PCDHGB1: variants seen among roughly 807,000 people sequenced by gnomAD.
The protein encoded by PCDHGB1 is protocadherin gamma subfamily B, 1, also known as protocadherin gamma-B1.
PCDHGB1 carries 34 observed loss-of-function variants against 56.6 expected under a neutral mutation model. The observed-to-expected ratio is 0.60, with a 90% CI of 0.46 to 0.80. PCDHGB1 has a LOEUF of 0.80. PCDHGB1 is among the 30% of genes least tolerant of loss of function. PCDHGB1 has a pLI of 0.00. For missense variants in PCDHGB1, 1,278 were observed against 1,204.6 expected (o/e 1.06, Z -0.90); for synonymous variants, 561 against 505.9 (o/e 1.11, Z -1.46).
chr5:141,420,933 T>C (rs1227912236), intron 1 of PCDHGB1: 1 of 375,320 alleles, frequency 2.7e-6, no homozygotes, highest in African/African-American at 2.1e-5. Context: ...GTGAGCGTAA[T>C]CATTTCTTCT....
At position 141,511,241 on chromosome 5, in the gene PCDHGB1, C is replaced by G; in HGVS notation, c.*68C>G. ...CCAGCCCAGCTTCTCCTTACCTGCA[C>G]CCAGGCCTCAGAGTTTCAGGGCTAA... On this transcript the variant is annotated 3_prime_UTR_variant, in exon 4 of 4. Transcript: ENST00000523390. 1 of 1,585,214 alleles carries G rather than the reference C, an allele frequency of 6.3e-7. No individual in the cohort carries two copies. The highest frequency in any genetic ancestry group is 1.1e-5 in the South Asian group (1 of 87,760).
intron 1 of PCDHGB1, chr5:141,424,504 GT>G (rs892941709): frequency 6.6e-6 from 1 of 152,016 alleles, no homozygotes; most frequent in Non-Finnish European, 1.5e-5. Context: ...TGTATGGAAG[GT>G]TTTTTAATGT....
chr5:141,425,426 A>T (rs1227154364), intron 1 of PCDHGB1, among the ~76,000 whole-genome samples: 1 of 152,236 alleles, frequency 6.6e-6, no homozygotes, highest in African/African-American at 2.4e-5. Flanking sequence ...AGTCCCATTA[A>T]ATAGAGGATA....
intron 1 of PCDHGB1, among the ~76,000 whole-genome samples, chr5:141,438,637 C>G (rs11958903): frequency 3.2e-5 from 1 of 30,940 alleles, no homozygotes. Context: ...TATATATATA[C>G]ACACACACAC....
At chr5:141,481,813 G>C (rs185558948) in intron 1 of PCDHGB1, among the ~76,000 whole-genome samples, 1 of 151,824 alleles carries the variant, frequency 6.6e-6, no homozygotes, top group African/African-American at 2.4e-5. Flanking sequence ...TTCACCAGGC[G>C]TGGTGGCTGA....
rs2097422953 is a variant in PCDHGB1 at position 141,431,840 on chromosome 5, C to A, written c.2410-62967C>A. The A allele has an allele frequency of 1.9e-6, 3 of 1,614,248 alleles. No homozygotes were observed. The highest frequency in any genetic ancestry group is 1.6e-4 in the Middle Eastern group (1 of 6,062). ...CGCCAGCTCGGTTCCCGAAAACTCT[C>A]CCAGAGGGACATTAATTGCCCTTTT... On this transcript the variant is annotated intron_variant, in intron 1 of 3. Transcript: ENST00000523390. The surrounding 1 kb of genome is among the most constrained non-coding windows in gnomAD (Gnocchi z 4.8).
chr5:141,477,536 G>T lies in PCDHGB1; in HGVS notation c.2410-17271G>T. 1.2e-6 allele frequency: 2 copies of T among 1,614,076 alleles called. No homozygotes were observed. Among genetic ancestry groups the T allele is most frequent in the Non-Finnish European group, 1.7e-6 (2 of 1,180,018 alleles). ...CATTGAAGAAAACAACCTCCCCGGG[G>T]CTCCAATACTAAACCTAAGTGTCTG... On this transcript the variant is annotated intron_variant, in intron 1 of 3. Coordinates refer to ENST00000523390, the MANE Select transcript of PCDHGB1 (RefSeq NM_018922.3). The surrounding 1 kb of genome is among the most constrained non-coding windows in gnomAD (Gnocchi z 4.9).
At chr5:141,434,875 A>G (rs2097725018) in intron 1 of PCDHGB1, among the ~76,000 whole-genome samples, 1 of 151,990 alleles carries the variant, frequency 6.6e-6, no homozygotes, top group African/African-American at 2.4e-5. Flanking sequence ...TGTGACAGAT[A>G]CCAACAACAA....
intron 1 of PCDHGB1, chr5:141,426,336 C>T (rs779025306): frequency 1.7e-4 from 31 of 187,682 alleles, no homozygotes; most frequent in Non-Finnish European, 2.8e-4. Context: ...GGCAAGCACT[C>T]TTCCCTTTCC....
At chr5:141,357,102 C>G (rs550336095) in intron 1 of PCDHGB1, 1 of 1,613,864 alleles carries the variant, frequency 6.2e-7, no homozygotes, top group Non-Finnish European at 8.5e-7. Context: ...CCCTGCTGGA[C>G]AGAGACGCGC....
chr5:141,472,980 CAA>C (rs60579131), intron 1 of PCDHGB1, among the ~76,000 whole-genome samples: 879 of 86,072 alleles, frequency 0.01, 5 homozygotes, highest in African/African-American at 0.015. Context: ...GAGTGAAACT[CAA>C]AAAAAAAAAA....
At chr5:141,423,711 T>C (rs1479409204) in intron 1 of PCDHGB1, 1 of 1,330,004 alleles carries the variant, frequency 7.5e-7, no homozygotes, top group Non-Finnish European at 9.6e-7. Flanking sequence ...GCACAAGTCT[T>C]TTAAGGAGAT....
chr5:141,410,251 C>T, intron 1 of PCDHGB1: 1 of 1,614,016 alleles, frequency 6.2e-7, no homozygotes, highest in Non-Finnish European at 8.5e-7. Flanking sequence ...TACTCTCTGA[C>T]CCCCAGGCTG....
rs1260157676 is a variant in PCDHGB1, at chr5:141,373,137, T to G, written c.2409+20468T>G. On this transcript the variant is annotated intron_variant, in intron 1 of 3. Transcript: ENST00000523390. ...CAGAATTAGACCCAAATCCTCACAA[T>G]TAAGTGGTTTACTTAGTTTTAATGC... Among the ~76,000 whole-genome samples, 5 of 152,372 alleles carry G rather than the reference T, an allele frequency of 3.3e-5. No individual in the cohort carries two copies. The East Asian group carries it at 7.7e-4, about 23-fold the overall frequency.
In PCDHGB1 at chr5:141,360,170, G is replaced by A; in HGVS notation, c.2409+7501G>A. ...AGCTCAGGGAGGTGCGGGCTGGTGCGGTGGCTGCAGGTACTGTTGCCCTTC... is the reference window on the plus strand; with the variant it reads ...AGCTCAGGGAGGTGCGGGCTGGTGCAGTGGCTGCAGGTACTGTTGCCCTTC... On this transcript the variant is annotated intron_variant, in intron 1 of 3. Transcript: ENST00000523390. 3.1e-6 allele frequency: 5 copies of A among 1,607,748 alleles called. No individual in the cohort carries two copies. Among genetic ancestry groups the A allele is most frequent in the South Asian group, 1.1e-5 (1 of 90,112 alleles).
chr5:141,366,216 C>T, intron 1 of PCDHGB1: 1 of 1,613,804 alleles, frequency 6.2e-7, no homozygotes, highest in Non-Finnish European at 8.5e-7. Context: ...GTGCGCACAG[C>T]GCGAGCCCTG....
At chr5:141,406,702 A>G (rs1430662433) in intron 1 of PCDHGB1, among the ~76,000 whole-genome samples, 1 of 152,242 alleles carries the variant, frequency 6.6e-6, no homozygotes. Context: ...TCTATAGTAT[A>G]TGCTTGCTCA....
At chr5:141,404,403 A>G (rs767148207) in intron 1 of PCDHGB1, 2 of 1,613,896 alleles carry the variant, frequency 1.2e-6, no homozygotes, top group East Asian at 4.5e-5. Flanking sequence ...AGCAATGAGA[A>G]TTCTAGAGTT....
chr5:141,368,358 T>C (rs975502354), intron 1 of PCDHGB1, among the ~76,000 whole-genome samples: 9 of 151,988 alleles, frequency 5.9e-5, no homozygotes, highest in African/African-American at 1.9e-4. Flanking sequence ...CACACATATA[T>C]ATACACACAT....
Sources: allele counts gnomAD v4.1 joint callset (sites outside exome capture counted in the v4.1 genomes callset), GRCh38; gene constraint gnomAD v4.1.1; non-coding constraint Gnocchi (gnomAD v3.1); transcripts MANE v1.5; gene names NCBI Gene and HGNC (gene_info 2026-07-23, HGNC 2026-07-21).